SPTLC3: variants seen among roughly 807,000 people sequenced by gnomAD.
The protein encoded by SPTLC3 is serine palmitoyltransferase 3.
A neutral mutation model predicts 59.3 loss-of-function variants in SPTLC3; 36 were observed. The ratio of observed to expected loss-of-function variants is 0.61; its 90% CI spans 0.47 to 0.80. The LOEUF is 0.80. Among genes scored for constraint, SPTLC3 ranks in the 30% least tolerant of loss-of-function variants. SPTLC3 has a pLI of 0.00. For missense variants in SPTLC3, 625 were observed against 685.1 expected, an observed-to-expected ratio of 0.91 and a Z score of 0.98; for synonymous variants, 257 against 240.8, an observed-to-expected ratio of 1.07 and a Z score of -0.62.
At chr20:13,062,900 C>G (rs1332703192) in intron 2 of SPTLC3, among the ~76,000 whole-genome samples, 2 of 152,150 alleles carry the variant, frequency 1.3e-5, no homozygotes, top group African/African-American at 4.8e-5. Flanking sequence ...TCATAAATAA[C>G]TTGTCCATGA....
At chr20:13,089,125 C>T (rs143035813) in intron 4 of SPTLC3, among the ~76,000 whole-genome samples, 24 of 152,254 alleles carry the variant, frequency 1.6e-4, no homozygotes, top group African/African-American at 4.8e-4. Flanking sequence ...AGAAAATTAA[C>T]GTACAGATTT....
rs772611884 is a variant in SPTLC3 at position 13,160,131 on chromosome 20, C to T, written c.1544C>T (p.Thr515Met). The change falls in exon 11 of 12, where the codon ACG becomes ATG. Residue 515 changes from threonine to methionine, a missense_variant and splice_region_variant. Thr to Met is a moderately conservative substitution (Grantham distance 81). Coordinates refer to ENST00000399002, the MANE Select transcript of SPTLC3 (RefSeq NM_018327.4). ...GCACATACCCGGGAGATGTTAGACA[C>T]GGTGAGTACACCACAGGCCAACGGG... ...SAAHTREMLD[T>M]VLEALDEMGD... The T allele has an allele frequency of 4.5e-5, 72 of 1,613,666 alleles. 1 individual carries two copies. The Admixed American group carries it at 7.0e-4, about 16-fold the overall frequency.
intron 8 of SPTLC3, among the ~76,000 whole-genome samples, chr20:13,118,715 A>T (rs1036027494): frequency 1.3e-5 from 2 of 152,210 alleles, no homozygotes; most frequent in Non-Finnish European, 2.9e-5. Context: ...AGTGGTATCA[A>T]CAAAAATCCC....
intron 6 of SPTLC3, among the ~76,000 whole-genome samples, chr20:13,101,016 G>A (rs968672171): frequency 1.3e-5 from 2 of 150,996 alleles, no homozygotes; most frequent in Non-Finnish European, 3.0e-5. Flanking sequence ...CCAGGGCACA[G>A]GAAGGCAGCC....
intron 7 of SPTLC3, 138 bp from the exon 8 acceptor site, chr20:13,117,368 C>T (rs2122739731): frequency 2.6e-6 from 2 of 781,560 alleles, no homozygotes; most frequent in East Asian, 5.4e-5. Context: ...AGGGTTGTCT[C>T]AGCCAAATAA....
At chr20:13,058,856 C>G (rs1434821565) in intron 2 of SPTLC3, among the ~76,000 whole-genome samples, 1 of 152,166 alleles carries the variant, frequency 6.6e-6, no homozygotes. Flanking sequence ...GCTCATCACA[C>G]GACACCCAAT....
intron 4 of SPTLC3, among the ~76,000 whole-genome samples, chr20:13,084,536 C>A (rs1320036512): frequency 6.6e-6 from 1 of 152,116 alleles, no homozygotes; most frequent in Non-Finnish European, 1.5e-5. Context: ...TCTCAAGGTT[C>A]TTTTTTCCCT....
At chr20:13,093,088 A>G (rs1989285697) in intron 5 of SPTLC3, among the ~76,000 whole-genome samples, 1 of 152,208 alleles carries the variant, frequency 6.6e-6, no homozygotes, top group Non-Finnish European at 1.5e-5. Flanking sequence ...CTTGCCTTTC[A>G]GGAAGAATAA....
intron 4 of SPTLC3, among the ~76,000 whole-genome samples, chr20:13,076,936 A>G (rs2122582765): frequency 6.6e-6 from 1 of 152,266 alleles, no homozygotes; most frequent in Middle Eastern, 3.4e-3. Context: ...GAGCCCAAAA[A>G]TACAGCTGGA....
At chr20:13,163,442 G>T (rs1407806098) in intron 11 of SPTLC3, among the ~76,000 whole-genome samples, 1 of 149,344 alleles carries the variant, frequency 6.7e-6, no homozygotes, top group Non-Finnish European at 1.5e-5. Context: ...TCTCACAGAT[G>T]CCCCAAATGT....
rs757111865 is a variant in SPTLC3, at chr20:13,110,219, T to C, written c.932+2T>C. The C allele has an allele frequency of 6.2e-7, 1 of 1,612,200 alleles. No individual in the cohort carries two copies. On this transcript the variant is annotated splice_donor_variant, in intron 7 of 11. Coordinates refer to ENST00000399002, the MANE Select transcript of SPTLC3 (RefSeq NM_018327.4). LOFTEE classifies it high-confidence loss of function. ...CATCCTGGTGGAGGGTGTCTACAGG[T>C]ATGTAAATAACAGGACACATTTTAC...
intron 1 of SPTLC3, among the ~76,000 whole-genome samples, chr20:13,046,809 G>T (rs6134754): frequency 0.27 from 41,667 of 152,070 alleles, 5,774 homozygotes; most frequent in Middle Eastern, 0.36. Flanking sequence ...TGAATCCCCA[G>T]TGCTGAACAT....
chr20:13,103,680 A>C (rs946821907), intron 6 of SPTLC3, among the ~76,000 whole-genome samples: 3 of 152,218 alleles, frequency 2.0e-5, no homozygotes, highest in Non-Finnish European at 4.4e-5. Flanking sequence ...TTCAGCCCCA[A>C]TCTCGCATTC....
rs1220528397 is a variant in SPTLC3, at chr20:13,159,906, A to G, written c.1416-97A>G. 2.8e-6 allele frequency: 4 copies of G among 1,434,622 alleles called. No individual in the cohort carries two copies. The East Asian group carries it at 9.3e-5, about 33-fold the overall frequency. The allele number at this position is 1,434,622 out of a possible 1,614,324, so 88.9% of individuals were successfully genotyped here. A position where few individuals can be genotyped will look rare whatever the true frequency, so the allele number is the denominator to read the frequency against. On this transcript the variant is annotated intron_variant, in intron 10 of 11. Transcript: ENST00000399002. ...TATCATAAAAAAGAAAAAAGAAAAA[A>G]GAAAAAATCAATTAGCCATATTCCT... is the stretch of plus-strand genomic sequence containing the variant.
chr20:13,102,577 A>G (rs1989642209), intron 6 of SPTLC3, among the ~76,000 whole-genome samples: 1 of 152,084 alleles, frequency 6.6e-6, no homozygotes, highest in East Asian at 1.9e-4. Context: ...TGATGAATGT[A>G]ATACTTGGTA....
chr20:13,101,259 C>T (rs2122653115), intron 6 of SPTLC3, among the ~76,000 whole-genome samples: 1 of 152,294 alleles, frequency 6.6e-6, no homozygotes, highest in African/African-American at 2.4e-5. Context: ...CCTGTGTTTG[C>T]ATGAAGAAGC....
At chr20:13,108,725 C>A (rs1191602767) in intron 6 of SPTLC3, among the ~76,000 whole-genome samples, 1 of 152,140 alleles carries the variant, frequency 6.6e-6, no homozygotes, top group African/African-American at 2.4e-5. Flanking sequence ...GAGGTGCCTA[C>A]CACCATACCC....
chr20:13,028,645 T>A (rs1443886373), intron 1 of SPTLC3, among the ~76,000 whole-genome samples: 1 of 152,178 alleles, frequency 6.6e-6, no homozygotes, highest in East Asian at 1.9e-4. Context: ...TAAAGTGTTA[T>A]AGACTAGTAT....
At chr20:13,081,080 T>C (rs1265185680) in intron 4 of SPTLC3, among the ~76,000 whole-genome samples, 1 of 152,114 alleles carries the variant, frequency 6.6e-6, no homozygotes, top group East Asian at 1.9e-4. Flanking sequence ...AAAATTAATA[T>C]AGAGAGTTTA....
Sources: allele counts gnomAD v4.1 joint callset (sites outside exome capture counted in the v4.1 genomes callset), GRCh38; gene constraint gnomAD v4.1.1; transcripts MANE v1.5; gene names NCBI Gene and HGNC (gene_info 2026-07-23, HGNC 2026-07-21).